The following HSPG2 variants were observed in gnomAD, a reference collection of about 807,000 sequenced individuals.
The protein encoded by HSPG2 is basement membrane-specific heparan sulfate proteoglycan core protein.
HSPG2 carries 278 observed loss-of-function variants against 526.6 expected under a neutral mutation model. The ratio of observed to expected loss-of-function variants is 0.53; its 90% CI spans 0.48 to 0.58. The LOEUF (loss-of-function observed/expected upper bound fraction) is 0.58, where lower values mean the gene tolerates loss of function less well. HSPG2 is among the 20% of genes least tolerant of loss of function. The pLI, the probability that HSPG2 is intolerant of heterozygous loss-of-function variation, is 0.00. For missense variants in HSPG2, 5,354 were observed against 6,099.5 expected (o/e 0.88, Z 4.07); for synonymous variants, 2,465 against 2,555.4 (o/e 0.96, Z 1.07).
intron 33 of HSPG2, among the ~76,000 whole-genome samples, chr1:21,866,209 G>C (rs1403581813): frequency 6.6e-6 from 1 of 152,214 alleles, no homozygotes. Flanking sequence ...TGGGGCTGAC[G>C]GCAGCCCCTC....
At chr1:21,829,942 C>G (rs912655014) in intron 86 of HSPG2, 51 bp downstream of exon 86, 1 of 1,465,942 alleles carries the variant, frequency 6.8e-7, no homozygotes, top group Non-Finnish European at 9.4e-7. Context: ...CCCACCCAGC[C>G]TCCCCAGCTG....
At chr1:21,842,532 A>G in intron 67 of HSPG2, 152 bp from the exon 68 acceptor site, 1 of 1,039,796 alleles carries the variant, frequency 9.6e-7, no homozygotes, top group Non-Finnish European at 1.4e-6. Flanking sequence ...AGAATCCTAG[A>G]GGTCCAACCC....
In HSPG2 at chr1:21,842,032, C is replaced by G. The variant is rs764925799; in HGVS notation, c.9163G>C (p.Glu3055Gln). The G allele has an allele frequency of 1.9e-6, 3 of 1,613,582 alleles. No individual in the cohort carries two copies. The highest frequency in any genetic ancestry group is 1.7e-5 in the Admixed American group (1 of 60,022). ...AGCTCCTGGTTCCGGGTCTTCCACT[C>G]GAGGCTGATGGGGGCTGCCCCGTCA... ...IHDGAAPISLEWKTRNQELED... is the reference protein window; with the variant it reads ...IHDGAAPISLQWKTRNQELED... Residue 3055 changes from glutamate to glutamine, a missense_variant, in exon 69 of 97, where the codon GAG becomes CAG. Transcript: ENST00000374695.
In HSPG2 at chr1:21,858,456, A is replaced by C. The variant is rs1267806831; in HGVS notation, c.5294-1071T>G. Among the ~76,000 whole-genome samples, 1 of 152,152 alleles carries C rather than the reference A, an allele frequency of 6.6e-6. No individual in the cohort carries two copies. The highest frequency in any genetic ancestry group is 1.5e-5 in the Non-Finnish European group (1 of 68,026). On this transcript the variant is annotated intron_variant, in intron 42 of 96. Transcript: ENST00000374695. The surrounding 1 kb of genome is among the most constrained non-coding windows in gnomAD (Gnocchi z 4.2). ...TCCCTAGGTGACTTCATCCTGTCCC[A>C]TAGCTTTGAACACCATCCCTGTGCC...
intron 1 of HSPG2, among the ~76,000 whole-genome samples, chr1:21,917,924 T>C (rs1643927231): frequency 6.6e-6 from 1 of 152,208 alleles, no homozygotes; most frequent in South Asian, 2.1e-4. Context: ...CCAAAGCTCC[T>C]TGGGGACAGA....
chr1:21,918,467 T>TA (rs36108181), intron 1 of HSPG2, among the ~76,000 whole-genome samples: 7,148 of 108,198 alleles, frequency 0.066, 230 homozygotes, highest in African/African-American at 0.13. Flanking sequence ...TCTGTGGGAA[T>TA]AAAAAAAAAA....
chr1:21,901,624 G>A (rs1643106990), intron 1 of HSPG2, among the ~76,000 whole-genome samples: 1 of 152,096 alleles, frequency 6.6e-6, no homozygotes, highest in Admixed American at 6.5e-5. Flanking sequence ...CACCCTCCTT[G>A]TAGCCCAAGC....
chr1:21,922,847 A>C (rs9426784), intron 1 of HSPG2, among the ~76,000 whole-genome samples: 140,187 of 152,142 alleles, frequency 0.92, 65,434 homozygotes, highest in South Asian at 0.99. Flanking sequence ...CCATCCCAGT[A>C]CCCCCTCCTC....
In HSPG2 at chr1:21,864,915, G is replaced by A; in HGVS notation, c.4554C>T (p.Pro1518=). ...AVSLEVAQPG[P]SNRPRALEVE... ...CCTCGAGGGCGCGGGGTCTGTTTGA[G>A]GGCCCCGGCTGGGCGACCTCCAGGC... Residue 1518 remains proline, a synonymous_variant, in exon 36 of 97, where the codon CCC becomes CCT. Coordinates refer to ENST00000374695, the MANE Select transcript of HSPG2 (RefSeq NM_005529.7). The surrounding 1 kb of genome is among the most constrained non-coding windows in gnomAD (Gnocchi z 4.8). The A allele has an allele frequency of 1.2e-6, 2 of 1,609,334 alleles. No homozygotes were observed. Among genetic ancestry groups the A allele is most frequent in the Non-Finnish European group, 1.7e-6 (2 of 1,179,154 alleles).
rs368545711 is a variant in HSPG2, at chr1:21,848,650, C to T, written c.7730G>A (p.Arg2577Gln). Residue 2577 changes from arginine to glutamine, a missense_variant, in exon 59 of 97, where the codon CGG becomes CAG. Transcript: ENST00000374695. The surrounding 1 kb of genome is among the most constrained non-coding windows in gnomAD (Gnocchi z 4.9). ...WYKRGGSLPS[R>Q]HQIVGSRLRI... ...CACCTGCTGGCCCTGTACCTGGTGCCGGCTGGGTAAGCTGCCTCCACGCTT... is the reference window on the plus strand; with the variant it reads ...CACCTGCTGGCCCTGTACCTGGTGCTGGCTGGGTAAGCTGCCTCCACGCTT... 18 of 1,613,130 alleles carry T rather than the reference C, an allele frequency of 1.1e-5. No individual in the cohort carries two copies. The highest frequency in any genetic ancestry group is 6.7e-5 in the African/African-American group (5 of 74,870).
Position 21,864,830 on chromosome 1 carries a change from G to T in HSPG2, c.4626+13C>A, listed in dbSNP as rs778731465. On this transcript the variant is annotated intron_variant, in intron 36 of 96. Transcript: ENST00000374695. The surrounding 1 kb of genome is among the most constrained non-coding windows in gnomAD (Gnocchi z 4.8). ...TGCCTGTGCAGAGGTGGTGGAGCTG[G>T]CCACACACTCACCTGGCAGGACAGA... is the stretch of plus-strand genomic sequence containing the variant. 26 of 1,600,788 alleles carry T rather than the reference G, an allele frequency of 1.6e-5. No individual in the cohort carries two copies. The South Asian group carries it at 2.0e-4, about 12-fold the overall frequency.
intron 3 of HSPG2, among the ~76,000 whole-genome samples, chr1:21,894,687 G>A (rs1553174808): frequency 6.6e-6 from 1 of 152,176 alleles, no homozygotes; most frequent in Non-Finnish European, 1.5e-5. Flanking sequence ...GCAGTGGGCA[G>A]CCCCCGGGGA....
At chr1:21,871,322 C>A (rs560229408) in intron 33 of HSPG2, among the ~76,000 whole-genome samples, 101 of 141,282 alleles carry the variant, frequency 7.1e-4, no homozygotes, top group Non-Finnish European at 1.3e-3. Flanking sequence ...TGCAATGGTG[C>A]AATTATGGCT....
At chr1:21,868,961 A>G (rs1640444250) in intron 33 of HSPG2, 4 of 968,644 alleles carry the variant, frequency 4.1e-6, no homozygotes, top group Non-Finnish European at 4.9e-6. Context: ...TTCGTAGGAG[A>G]GAGAGAACTA....
chr1:21,829,640 T>C (rs765388737), intron 86 of HSPG2, 36 bp from the exon 87 acceptor site: 1 of 1,557,900 alleles, frequency 6.4e-7, no homozygotes, highest in Non-Finnish European at 8.8e-7. Context: ...GCAGTGGGGA[T>C]CCTGGACCCT....
intron 91 of HSPG2, among the ~76,000 whole-genome samples, chr1:21,826,383 T>C (rs575721907): frequency 6.6e-6 from 1 of 152,020 alleles, no homozygotes; most frequent in Admixed American, 6.5e-5. Context: ...TTGTATTTTT[T>C]TGTAGAGACA....
chr1:21,880,074 T>G, intron 17 of HSPG2, 33 bp downstream of exon 17: 1 of 1,612,728 alleles, frequency 6.2e-7, no homozygotes, highest in South Asian at 1.1e-5. Context: ...CTTCTCCTAT[T>G]TTAGTGTTCA....
chr1:21,926,789 G>A (rs72662464), intron 1 of HSPG2, among the ~76,000 whole-genome samples: 2,281 of 78,304 alleles, frequency 0.029, 108 homozygotes, highest in East Asian at 0.067. Context: ...AAAAAAAAAA[G>A]AGAGAAAGAA....
At chr1:21,838,075 G>T (rs1357146163) in intron 74 of HSPG2, among the ~76,000 whole-genome samples, 1 of 144,086 alleles carries the variant, frequency 6.9e-6, no homozygotes, top group Non-Finnish European at 1.5e-5. Flanking sequence ...GATGGAGGTT[G>T]CAGTGAACCG....
Sources: allele counts gnomAD v4.1 joint callset (sites outside exome capture counted in the v4.1 genomes callset), GRCh38; gene constraint gnomAD v4.1.1; non-coding constraint Gnocchi (gnomAD v3.1); transcripts MANE v1.5; gene names NCBI Gene and HGNC (gene_info 2026-07-23, HGNC 2026-07-21).